Variants in CRTC1 observed in about 807,000 individuals in gnomAD.
CRTC1 encodes CREB-regulated transcription coactivator 1.
A neutral mutation model predicts 66.1 loss-of-function variants in CRTC1; 18 were observed. That is an observed-to-expected ratio of 0.27 (90% CI 0.19 to 0.40). CRTC1 has a LOEUF of 0.40. Ranked by LOEUF, CRTC1 falls within the 10% of genes least tolerant of loss-of-function variation. The probability of loss-of-function intolerance (pLI) is 1.00; values close to 1 mark genes in which losing one functional copy is unlikely to be tolerated. For missense variants in CRTC1, 669 were observed against 887.9 expected, an observed-to-expected ratio of 0.75 and a Z score of 3.13; for synonymous variants, 416 against 398.8, an observed-to-expected ratio of 1.04 and a Z score of -0.51.
At position 18,688,153 on chromosome 19, in the gene CRTC1, A is replaced by G. The variant is rs1339429681; in HGVS notation, c.126+4325A>G. 3.9e-5 allele frequency among the ~76,000 whole-genome samples: 6 copies of G among 152,100 alleles called. 1 individual carries two copies. Among genetic ancestry groups the G allele is most frequent in the African/African-American group, 1.2e-4 (5 of 41,392 alleles). On this transcript the variant is annotated intron_variant, in intron 1 of 13. Transcript: ENST00000321949. ...TTTTAGGGGGGACAGGAGAGCATCA[A>G]TGCATCCGAATGAAGCAGACGCCCT...
intron 1 of CRTC1, among the ~76,000 whole-genome samples, chr19:18,717,551 G>A (rs950414926): frequency 2.0e-5 from 3 of 152,176 alleles, no homozygotes; most frequent in South Asian, 2.1e-4. Context: ...GTTTCTGCCT[G>A]TGTGTGGGGC....
chr19:18,698,740 C>T (rs945957125), intron 1 of CRTC1, among the ~76,000 whole-genome samples: 21 of 150,690 alleles, frequency 1.4e-4, no homozygotes, highest in African/African-American at 4.9e-4. Flanking sequence ...ACTTAGCAGG[C>T]GCACAGTGTG....
intron 6 of CRTC1, among the ~76,000 whole-genome samples, chr19:18,755,018 C>G (rs1466769644): frequency 1.3e-5 from 2 of 152,006 alleles, no homozygotes; most frequent in Non-Finnish European, 2.9e-5. Context: ...GAGTCTCACT[C>G]TGTTGCCCAG....
At chr19:18,762,862 G>C (rs2054645262) in intron 8 of CRTC1, among the ~76,000 whole-genome samples, 1 of 152,198 alleles carries the variant, frequency 6.6e-6, no homozygotes, top group Non-Finnish European at 1.5e-5. Context: ...TTGTATTCAG[G>C]GCAGACATTA....
Position 18,774,925 on chromosome 19 carries a change from T to C in CRTC1, c.1451T>C (p.Phe484Ser), listed in dbSNP as rs1438797256. The change falls in exon 12 of 14, where the codon TTT (phenylalanine) becomes TCT (serine). Residue 484 changes from phenylalanine (F) to serine (S), a missense_variant. By Grantham distance (155) the Phe-to-Ser change is radical. Coordinates refer to ENST00000321949, the MANE Select transcript of CRTC1 (RefSeq NM_015321.3). ...CACACTTCCACCCTGGGCAGCGTGT[T>C]TGGGGACGCGTACTATGAGCAGCAG... is the stretch of plus-strand genomic sequence containing the variant. ...PQHTSTLGSV[F>S]GDAYYEQQMA... The C allele has an allele frequency of 7.4e-6, 12 of 1,610,752 alleles. No individual in the cohort carries two copies. The East Asian group carries it at 1.3e-4, about 18-fold the overall frequency.
At chr19:18,722,255 C>T (rs940442563) in intron 1 of CRTC1, among the ~76,000 whole-genome samples, 4 of 152,300 alleles carry the variant, frequency 2.6e-5, no homozygotes, top group Admixed American at 2.0e-4. Context: ...GGAGAGGAGA[C>T]CTGGGGTGTG....
In CRTC1 at chr19:18,769,373, C is replaced by T. The variant is rs145687237; in HGVS notation, c.1320+580C>T. 4.3e-3 allele frequency among the ~76,000 whole-genome samples: 653 copies of T among 152,358 alleles called. 3 individuals carry two copies. The highest frequency in any genetic ancestry group is 0.015 in the African/African-American group (616 of 41,576). ...CCAGACCACCTGCTTGCTCCAGCGG[C>T]GCGGGCTGGGTGGCAAACAGCTGCA... On this transcript the variant is annotated intron_variant, in intron 10 of 13. Coordinates refer to ENST00000321949, the MANE Select transcript of CRTC1 (RefSeq NM_015321.3).
chr19:18,700,856 A>G (rs2053119474), intron 1 of CRTC1, among the ~76,000 whole-genome samples: 1 of 152,204 alleles, frequency 6.6e-6, no homozygotes, highest in Non-Finnish European at 1.5e-5. Flanking sequence ...TGTCTGCTTC[A>G]GCGTCTCTTT....
At chr19:18,758,799 T>A (rs1431098414) in intron 6 of CRTC1, among the ~76,000 whole-genome samples, 1 of 152,216 alleles carries the variant, frequency 6.6e-6, no homozygotes, top group East Asian at 1.9e-4. Flanking sequence ...CTTGATTCAC[T>A]CCCTGGAGAC....
rs1014962339 is a variant in CRTC1 at position 18,778,074 on chromosome 19, C to T, written c.*692C>T. On this transcript the variant is annotated 3_prime_UTR_variant, in exon 14 of 14. Transcript: ENST00000321949. ...CCTCCTCGCCCTGTCTCCATCCCCT[C>T]GAAGCCCTGCCTCACCGCAGGCAGG... 5.1e-5 allele frequency: 12 copies of T among 233,240 alleles called. No individual in the cohort carries two copies. Among genetic ancestry groups the T allele is most frequent in the Admixed American group, 5.1e-4 (9 of 17,784 alleles). The allele number at this position is 233,240 out of a possible 1,614,324, so 14.4% of individuals were successfully genotyped here.
intron 1 of CRTC1, among the ~76,000 whole-genome samples, chr19:18,728,240 TC>T (rs1203361285): frequency 6.6e-6 from 1 of 152,162 alleles, no homozygotes; most frequent in East Asian, 1.9e-4. Context: ...TGGGAGAATG[TC>T]CCGTCCCGGC....
At position 18,779,183 on chromosome 19, in the gene CRTC1, G is replaced by A. The variant is rs2055055635; in HGVS notation, c.*1801G>A. On this transcript the variant is annotated 3_prime_UTR_variant, in exon 14 of 14. Coordinates refer to ENST00000321949, the MANE Select transcript of CRTC1 (RefSeq NM_015321.3). ...CTTCTGCTGAGTCCGTTTATTTGTA[G>A]TGTCATGGCTGCTGCTTTCACTGGG... 1 of 232,556 alleles carries A rather than the reference G, an allele frequency of 4.3e-6. No individual in the cohort carries two copies. The highest frequency in any genetic ancestry group is 8.5e-6 in the Non-Finnish European group (1 of 117,622). 14.4% of individuals were successfully genotyped at this position (232,556 alleles called of 1,614,324 possible). A position where few individuals can be genotyped will look rare whatever the true frequency, so the allele number is the denominator to read the frequency against.
intron 1 of CRTC1, among the ~76,000 whole-genome samples, chr19:18,727,803 C>G (rs897523143): frequency 6.6e-6 from 1 of 151,964 alleles, no homozygotes; most frequent in African/African-American, 2.4e-5. Context: ...CTCACTGCCA[C>G]CTCTGCCTCC....
intron 1 of CRTC1, among the ~76,000 whole-genome samples, chr19:18,703,165 T>G (rs1482109388): frequency 6.6e-6 from 1 of 152,060 alleles, no homozygotes; most frequent in African/African-American, 2.4e-5. Context: ...TTGTGTGTAT[T>G]TTTAGTAGAG....
At chr19:18,737,473 G>A (rs528260912) in intron 1 of CRTC1, among the ~76,000 whole-genome samples, 5 of 152,170 alleles carry the variant, frequency 3.3e-5, no homozygotes, top group Admixed American at 3.3e-4. Flanking sequence ...GGTCATGCAG[G>A]GGTTAAGTTT....
intron 1 of CRTC1, among the ~76,000 whole-genome samples, chr19:18,721,732 C>G (rs932479377): frequency 6.6e-6 from 1 of 152,138 alleles, no homozygotes; most frequent in African/African-American, 2.4e-5. Context: ...TGAGCTCAAG[C>G]AATCCACCTG....
chr19:18,754,980 A>T (rs1273360104), intron 6 of CRTC1, among the ~76,000 whole-genome samples: 3 of 151,008 alleles, frequency 2.0e-5, no homozygotes, highest in Admixed American at 1.3e-4. Context: ...ATTTATTTTA[A>T]TTATTTTTAT....
intron 4 of CRTC1, 119 bp downstream of exon 4, chr19:18,747,233 G>A: frequency 2.9e-6 from 2 of 695,598 alleles, no homozygotes; most frequent in Non-Finnish European, 4.8e-6. Context: ...AAACTAAGAT[G>A]CATCCAGAAG....
At position 18,745,885 on chromosome 19, in the gene CRTC1, C is replaced by T. The variant is rs143929885; in HGVS notation, c.306C>T (p.Asp102=). The change falls in exon 3 of 14, where the codon GAC becomes GAT. Residue 102 remains aspartate, a synonymous_variant. Coordinates refer to ENST00000321949, the MANE Select transcript of CRTC1 (RefSeq NM_015321.3). ...SRTTRHHGLV[D]RVYRERGRLG... Reference sequence around the variant, plus strand: ...CCACCCGGCACCATGGGCTGGTGGACAGGGTGTACCGGGAGCGTGGCCGGC... The same window carrying T: ...CCACCCGGCACCATGGGCTGGTGGATAGGGTGTACCGGGAGCGTGGCCGGC... The T allele has an allele frequency of 5.0e-5, 80 of 1,613,630 alleles. No individual in the cohort carries two copies. The African/African-American group carries it at 9.1e-4, about 18-fold the overall frequency.
Sources: allele counts gnomAD v4.1 joint callset (sites outside exome capture counted in the v4.1 genomes callset), GRCh38; gene constraint gnomAD v4.1.1; transcripts MANE v1.5; gene names NCBI Gene and HGNC (gene_info 2026-07-23, HGNC 2026-07-21).